The following NYAP2 variants were observed in gnomAD, a reference collection of about 807,000 sequenced individuals.
The protein encoded by NYAP2 is neuronal tyrosine-phosphorylated phosphoinositide-3-kinase adapter 2.
Under a neutral mutation model 50.4 loss-of-function variants are expected in NYAP2, and 23 were observed. That is an observed-to-expected ratio of 0.46 (90% CI 0.33 to 0.65). NYAP2 has a LOEUF of 0.65. NYAP2 is among the 30% of genes least tolerant of loss of function. The probability of loss-of-function intolerance (pLI) is 0.02; values close to 1 mark genes in which losing one functional copy is unlikely to be tolerated. For missense variants in NYAP2, 885 were observed against 861.0 expected (o/e 1.03, Z -0.35); for synonymous variants, 394 against 365.2 (o/e 1.08, Z -0.90).
chr2:225,558,080 C>T (rs114725973), intron 4 of NYAP2, among the ~76,000 whole-genome samples: 3,373 of 152,222 alleles, frequency 0.022, 125 homozygotes, highest in African/African-American at 0.076. Context: ...TGATATGACC[C>T]TCCAGGGAGT....
chr2:225,409,470 TA>T (rs955583328), intron 3 of NYAP2, among the ~76,000 whole-genome samples: 3 of 152,072 alleles, frequency 2.0e-5, no homozygotes, highest in African/African-American at 7.2e-5. Flanking sequence ...CCTTTGGTTA[TA>T]GTTCTTACCT....
At chr2:225,407,943 G>A (rs1694969093) in intron 2 of NYAP2, among the ~76,000 whole-genome samples, 1 of 151,824 alleles carries the variant, frequency 6.6e-6, no homozygotes, top group Non-Finnish European at 1.5e-5. Flanking sequence ...TTAGCTAATA[G>A]TATTATATAC....
rs541337757 is a variant in NYAP2 at position 225,468,517 on chromosome 2, C to A, written c.222-44854C>A. Among the ~76,000 whole-genome samples, 9 of 152,258 alleles carry A rather than the reference C, an allele frequency of 5.9e-5. No homozygotes were observed. In the East Asian group the frequency reaches 1.4e-3, roughly 23 times the overall value. On this transcript the variant is annotated intron_variant, in intron 3 of 6. Transcript: ENST00000636099. The stretch of plus-strand genomic sequence containing the variant: ...AAACAAGTGGGGAAAGAAATACAGT[C>A]ATTCAAACCACTGTTTCAACTGAAG...
At chr2:225,656,390 C>T (rs1484402836), downstream of NYAP2, among the ~76,000 whole-genome samples, 2 of 152,166 alleles carry the variant, frequency 1.3e-5, no homozygotes, top group African/African-American at 2.4e-5. Flanking sequence ...CTTGTCTCTT[C>T]GGGATTACTT....
chr2:225,565,070 G>A (rs1411138876), intron 4 of NYAP2, among the ~76,000 whole-genome samples: 1 of 151,668 alleles, frequency 6.6e-6, no homozygotes, highest in African/African-American at 2.4e-5. Context: ...GGCAGAGGTT[G>A]CAGTGAGACA....
downstream of NYAP2, among the ~76,000 whole-genome samples, chr2:225,656,997 A>G (rs1021574232): frequency 2.6e-5 from 4 of 152,022 alleles, no homozygotes; most frequent in Non-Finnish European, 5.9e-5. Context: ...TAGATAGTAC[A>G]TTTGCACATA....
At chr2:225,400,337 A>G (rs1304677388) in intron 1 of NYAP2, 82 bp downstream of exon 1, 1 of 139,120 alleles carries the variant, frequency 7.2e-6, no homozygotes, top group Non-Finnish European at 1.6e-5. Context: ...AAAGAGAAGC[A>G]GGAAGGGAGG....
At chr2:225,531,170 C>T (rs1465646378) in intron 4 of NYAP2, among the ~76,000 whole-genome samples, 2 of 152,188 alleles carry the variant, frequency 1.3e-5, no homozygotes, top group Non-Finnish European at 2.9e-5. Flanking sequence ...TTCATCTGCT[C>T]CTGCCTGCAG....
chr2:225,602,774 G>A (rs1168408852), intron 5 of NYAP2, among the ~76,000 whole-genome samples: 2 of 152,084 alleles, frequency 1.3e-5, no homozygotes, highest in Non-Finnish European at 2.9e-5. Flanking sequence ...CATATATATA[G>A]AAGTTTATTA....
intron 3 of NYAP2, among the ~76,000 whole-genome samples, chr2:225,482,424 G>T (rs894080914): frequency 2.6e-5 from 4 of 152,036 alleles, no homozygotes; most frequent in Non-Finnish European, 5.9e-5. Flanking sequence ...CTTAGCCTTT[G>T]TTGCCACTGT....
chr2:225,668,415 C>T, the NYAP2 span, among the ~76,000 whole-genome samples: 138 of 152,234 alleles, frequency 9.1e-4, no homozygotes, highest in African/African-American at 3.2e-3. Context: ...ACTCTGCGTA[C>T]CAGGAGACTG....
intron 4 of NYAP2, among the ~76,000 whole-genome samples, chr2:225,528,156 A>T (rs1691186714): frequency 6.6e-6 from 1 of 152,216 alleles, no homozygotes; most frequent in Admixed American, 6.5e-5. Flanking sequence ...TAGAATTCTG[A>T]GTTATCAGGG....
intron 4 of NYAP2, among the ~76,000 whole-genome samples, chr2:225,537,567 G>A (rs1359443992): frequency 6.6e-6 from 1 of 152,058 alleles, no homozygotes; most frequent in Non-Finnish European, 1.5e-5. Flanking sequence ...ATAATGGCAT[G>A]GGAAAGATCT....
chr2:225,658,245 T>G (rs896726713), downstream of NYAP2, among the ~76,000 whole-genome samples: 2 of 152,092 alleles, frequency 1.3e-5, no homozygotes, highest in African/African-American at 4.8e-5. Context: ...TATTATTTAC[T>G]TCCTTCTGCA....
chr2:225,662,943 C>T, the NYAP2 span, among the ~76,000 whole-genome samples: 662 of 152,184 alleles, frequency 4.3e-3, 2 homozygotes, highest in Non-Finnish European at 5.1e-3. Context: ...CCAGGCCTCG[C>T]GGAATTTCCA....
At chr2:225,694,085 A>G in the NYAP2 span, among the ~76,000 whole-genome samples, 1 of 152,098 alleles carries the variant, frequency 6.6e-6, no homozygotes, top group Non-Finnish European at 1.5e-5. Flanking sequence ...TTAACTTTTG[A>G]TGTGTACTTA....
At chr2:225,687,339 T>C in the NYAP2 span, among the ~76,000 whole-genome samples, 1 of 152,172 alleles carries the variant, frequency 6.6e-6, no homozygotes, top group Admixed American at 6.6e-5. Context: ...TTGTTGATAC[T>C]GCTATGTTTA....
intron 3 of NYAP2, among the ~76,000 whole-genome samples, chr2:225,411,553 T>A (rs1032764497): frequency 1.3e-5 from 2 of 151,960 alleles, no homozygotes; most frequent in Admixed American, 1.3e-4. Flanking sequence ...ATGTGAGAGT[T>A]GTAGTCTATA....
chr2:225,552,488 T>C (rs1691695156), intron 4 of NYAP2, among the ~76,000 whole-genome samples: 1 of 152,134 alleles, frequency 6.6e-6, no homozygotes, highest in African/African-American at 2.4e-5. Flanking sequence ...TGGGAGGTGA[T>C]CAGGCCATGA....
Sources: allele counts gnomAD v4.1 joint callset (sites outside exome capture counted in the v4.1 genomes callset), GRCh38; gene constraint gnomAD v4.1.1; transcripts MANE v1.5; gene names NCBI Gene and HGNC (gene_info 2026-07-23, HGNC 2026-07-21).